The following AKAP8 variants were observed in gnomAD, a reference collection of about 807,000 sequenced individuals.
AKAP8 encodes the protein A-kinase anchoring protein 8.
AKAP8 carries 24 observed loss-of-function variants against 67.5 expected under a neutral mutation model. The ratio of observed to expected loss-of-function variants is 0.36; its 90% CI spans 0.26 to 0.50. AKAP8 has a LOEUF of 0.50. Ranked by LOEUF, AKAP8 falls within the 20% of genes least tolerant of loss-of-function variation. The pLI, the probability that AKAP8 is intolerant of heterozygous loss-of-function variation, is 0.97. For missense variants in AKAP8, 971 were observed against 955.9 expected, an observed-to-expected ratio of 1.02 and a Z score of -0.21; for synonymous variants, 400 against 371.1, an observed-to-expected ratio of 1.08 and a Z score of -0.90.
chr19:15,373,648 CCCA>C (rs1284978386), intron 4 of AKAP8, 135 bp downstream of exon 4: 1 of 1,136,206 alleles, frequency 8.8e-7, no homozygotes, highest in Non-Finnish European at 1.2e-6. Context: ...TCACTGACCC[CCCA>C]CGAGCCCAAC....
intron 11 of AKAP8, among the ~76,000 whole-genome samples, 190 bp from the exon 12 acceptor site, chr19:15,361,168 G>A (rs1966958696): frequency 6.6e-6 from 1 of 152,132 alleles, no homozygotes; most frequent in African/African-American, 2.4e-5. Flanking sequence ...CAGCTTTTCT[G>A]TTCCTCCTGG....
intron 1 of AKAP8, among the ~76,000 whole-genome samples, chr19:15,377,930 T>C (rs1967282006): frequency 6.6e-6 from 1 of 152,168 alleles, no homozygotes; most frequent in Non-Finnish European, 1.5e-5. Context: ...AACTGTGTTC[T>C]CTTTATTTCT....
At chr19:15,378,914 GGCCCCTCC>G (rs1967310948) in intron 1 of AKAP8, 1 of 152,842 alleles carries the variant, frequency 6.5e-6, no homozygotes, top group Non-Finnish European at 1.5e-5. Context: ...ACAGCCCCTC[GGCCCCTCC>G]AGGCCACCAC....
rs1213549347 is a variant in AKAP8, at chr19:15,372,355, C to T, written c.862-8G>A. The T allele has an allele frequency of 6.2e-7, 1 of 1,614,034 alleles. No homozygotes were observed. The highest frequency in any genetic ancestry group is 1.7e-5 in the Admixed American group (1 of 60,010). On this transcript the variant is annotated splice_polypyrimidine_tract_variant and splice_region_variant and intron_variant, in intron 5 of 13. Transcript: ENST00000269701. ...AAACCCTCTCCTCTTGGGCTACAGA[C>T]AACAAGCACACCCCATGAGCTACTT...
chr19:15,355,131 G>A lies in AKAP8; in HGVS notation c.1863C>T (p.Ala621=), dbSNP rs763846151. 8.7e-6 allele frequency: 14 copies of A among 1,613,532 alleles called. No homozygotes were observed. Among genetic ancestry groups the A allele is most frequent in the East Asian group, 2.2e-5 (1 of 44,876 alleles). Reference sequence around the variant, plus strand: ...GCACCTGCTCTTCCAGCAGCTGTTCGGCTTGAGGATCACTACCGGCCTCCG... The same window carrying A: ...GCACCTGCTCTTCCAGCAGCTGTTCAGCTTGAGGATCACTACCGGCCTCCG... ...DTAEAGSDPQ[A]EQLLEEQVPC... Residue 621 remains alanine (A), a synonymous_variant, in exon 14 of 14, where the codon GCC becomes GCT. Transcript: ENST00000269701.
chr19:15,370,454 G>A (rs1475767612), intron 7 of AKAP8, among the ~76,000 whole-genome samples: 2 of 152,062 alleles, frequency 1.3e-5, no homozygotes, highest in Non-Finnish European at 2.9e-5. Flanking sequence ...CTCCTAAGCT[G>A]CAGAACTGCC....
chr19:15,373,025 G>A lies in AKAP8; in HGVS notation c.687C>T (p.Tyr229=), dbSNP rs748148114. 35 of 1,590,188 alleles carry A rather than the reference G, an allele frequency of 2.2e-5. No individual in the cohort carries two copies. The East Asian group carries it at 2.3e-4, about 10-fold the overall frequency. The change falls in exon 5 of 14, where the codon TAC becomes TAT. Residue 229 remains tyrosine (Y), a synonymous_variant. Transcript: ENST00000269701. Reference sequence around the variant, plus strand: ...GCCCTCCCAGGCCCCGTCCACCCACGTAGTTCAGCTCGTTCCAGGGCGTGG... The same window carrying A: ...GCCCTCCCAGGCCCCGTCCACCCACATAGTTCAGCTCGTTCCAGGGCGTGG... The part of the protein sequence containing the change: ...PLSTPWNELN[Y]VGGRGLGGPS...
intron 13 of AKAP8, among the ~76,000 whole-genome samples, chr19:15,356,409 T>C (rs1392133576): frequency 1.1e-5 from 1 of 89,972 alleles, no homozygotes; most frequent in Non-Finnish European, 2.1e-5. Flanking sequence ...TCAGACTCCA[T>C]CTCAAAAAAA....
chr19:15,372,056 C>T (rs376063688), intron 6 of AKAP8, 58 bp from the exon 7 acceptor site: 80 of 1,611,858 alleles, frequency 5.0e-5, no homozygotes, highest in East Asian at 3.3e-4. Flanking sequence ...ATCCGGTTTC[C>T]GCCCTCCCAA....
rs1173414823 is a variant in AKAP8 at position 15,354,930 on chromosome 19, A to T, written c.2064T>A (p.Ala688=). Reference sequence around the variant, plus strand: ...GAAATGAGCATCATTCTGTGGGAACAGCGTCTTTAGACTCTGCATCAGTTT... The same window carrying T: ...GAAATGAGCATCATTCTGTGGGAACTGCGTCTTTAGACTCTGCATCAGTTT... The part of the protein sequence containing the change: ...VEQTDAESKD[A]VPTE The change falls in exon 14 of 14, where the codon GCT becomes GCA. Residue 688 remains alanine, a synonymous_variant. Transcript: ENST00000269701. 6.2e-7 allele frequency: 1 copy of T among 1,613,824 alleles called. No individual in the cohort carries two copies. Among genetic ancestry groups the T allele is most frequent in the Non-Finnish European group, 8.5e-7 (1 of 1,179,802 alleles).
intron 1 of AKAP8, among the ~76,000 whole-genome samples, chr19:15,378,404 G>A (rs1599576529): frequency 1.3e-5 from 2 of 152,246 alleles, no homozygotes; most frequent in South Asian, 2.1e-4. Flanking sequence ...ACTATCTCCA[G>A]TGTGTCTGAA....
intron 1 of AKAP8, among the ~76,000 whole-genome samples, chr19:15,378,615 T>C (rs549727501): frequency 6.6e-6 from 1 of 152,298 alleles, no homozygotes; most frequent in African/African-American, 2.4e-5. Context: ...CCGCGCACGC[T>C]GCCGCCTCAG....
chr19:15,360,844 T>A lies in AKAP8; in HGVS notation c.1527+4A>T, dbSNP rs376637617. 5.6e-6 allele frequency: 9 copies of A among 1,611,600 alleles called. No individual in the cohort carries two copies. Among genetic ancestry groups the A allele is most frequent in the Non-Finnish European group, 7.6e-6 (9 of 1,178,952 alleles). On this transcript the variant is annotated splice_donor_region_variant and intron_variant, in intron 12 of 13. Coordinates refer to ENST00000269701, the MANE Select transcript of AKAP8 (RefSeq NM_005858.4). Reference sequence around the variant, plus strand: ...CCCCAGGCAGTGTGGGGAGGAAGACTCACCCTGCGGTTGTGATTGTGGTCC... The same window carrying A: ...CCCCAGGCAGTGTGGGGAGGAAGACACACCCTGCGGTTGTGATTGTGGTCC...
chr19:15,360,722 T>C, intron 12 of AKAP8, 126 bp downstream of exon 12: 1 of 1,214,728 alleles, frequency 8.2e-7, no homozygotes, highest in Non-Finnish European at 1.1e-6. Flanking sequence ...GACCCATCGA[T>C]GGAAGTGATA....
At chr19:15,358,587 A>G (rs1966915261) in intron 13 of AKAP8, among the ~76,000 whole-genome samples, 1 of 151,856 alleles carries the variant, frequency 6.6e-6, no homozygotes, top group African/African-American at 2.4e-5. Flanking sequence ...ACCATCACTC[A>G]CTGTAGCCTC....
intron 9 of AKAP8, among the ~76,000 whole-genome samples, chr19:15,367,856 G>T (rs564955658): frequency 1.3e-5 from 2 of 152,222 alleles, no homozygotes; most frequent in African/African-American, 4.8e-5. Flanking sequence ...TAGGGGGCAG[G>T]GATGCCCCTC....
chr19:15,372,385 G>T lies in AKAP8; in HGVS notation c.862-38C>A, dbSNP rs753818783. Reference sequence around the variant, plus strand: ...AGCACACCCCATGAGCTACTTACGAGGGCCATGAAGATGCCCCACAGAAAA... The same window carrying T: ...AGCACACCCCATGAGCTACTTACGATGGCCATGAAGATGCCCCACAGAAAA... On this transcript the variant is annotated intron_variant, in intron 5 of 13. Coordinates refer to ENST00000269701, the MANE Select transcript of AKAP8 (RefSeq NM_005858.4). 6.2e-6 allele frequency: 10 copies of T among 1,603,058 alleles called. No individual in the cohort carries two copies. The East Asian group carries it at 2.0e-4, about 32-fold the overall frequency.
chr19:15,355,468 G>A (rs1441950601), intron 13 of AKAP8, 98 bp from the exon 14 acceptor site: 27 of 1,141,558 alleles, frequency 2.4e-5, no homozygotes, highest in Non-Finnish European at 3.1e-5. Context: ...CAGTCCACAA[G>A]GGAAACACTT....
At chr19:15,361,652 T>A in intron 11 of AKAP8, 77 bp downstream of exon 11, 2 of 1,368,790 alleles carry the variant, frequency 1.5e-6, no homozygotes, top group Non-Finnish European at 2.1e-6. Context: ...GTGCCCGGCC[T>A]CGTGCCACGT....
Sources: gnomAD v4.1 joint callset for allele counts (sites outside exome capture counted in the v4.1 genomes callset) on GRCh38, gnomAD v4.1.1 for gene constraint, MANE v1.5 for transcripts, NCBI Gene and HGNC (gene_info 2026-07-23, HGNC 2026-07-21) for gene names.